TOGARAM2: variants seen among roughly 807,000 people sequenced by gnomAD.
TOGARAM2 encodes TOG array regulator of axonemal microtubules 2.
TOGARAM2 carries 85 observed loss-of-function variants against 93.3 expected under a neutral mutation model. That is an observed-to-expected ratio of 0.91 (90% CI 0.76 to 1.09). The LOEUF is 1.09. Ranked by LOEUF, TOGARAM2 falls within the 50% of genes least tolerant of loss-of-function variation. TOGARAM2 has a pLI of 0.00. For synonymous variants in TOGARAM2, 593 were observed against 552.8 expected, an observed-to-expected ratio of 1.07 and a Z score of -1.02; for missense variants, 1,277 against 1,334.5, an observed-to-expected ratio of 0.96 and a Z score of 0.67.
rs564691136 is a variant in TOGARAM2 at position 29,037,090 on chromosome 2, C to T, written c.2635+333C>T. Among the ~76,000 whole-genome samples the T allele has an allele frequency of 5.6e-4, 85 of 151,904 alleles. 1 individual carries two copies. Among genetic ancestry groups the T allele is most frequent in the Non-Finnish European group, 1.0e-3 (69 of 67,946 alleles). ...GAGTGCTGGGAAGGCTTAAGCTGGG[C>T]TGGGGCTTGGCGTGGGGTTTGTGGT... On this transcript the variant is annotated intron_variant, in intron 18 of 19. Coordinates refer to ENST00000379558, the MANE Select transcript of TOGARAM2 (RefSeq NM_199280.4).
intron 7 of TOGARAM2, 149 bp from the exon 8 acceptor site, chr2:29,014,246 C>A: frequency 1.1e-6 from 1 of 901,380 alleles, no homozygotes; most frequent in Admixed American, 2.5e-5. Flanking sequence ...CCAGTGCTGC[C>A]CTGTACAGTA....
chr2:29,014,376 CCT>C lies in TOGARAM2; in HGVS notation c.878-18_878-17del, dbSNP rs1364933940. 15 of 1,608,198 alleles carry C rather than the reference CCT, an allele frequency of 9.3e-6. No individual in the cohort carries two copies. The highest frequency in any genetic ancestry group is 1.3e-5 in the Non-Finnish European group (15 of 1,177,850). On this transcript the variant is annotated splice_polypyrimidine_tract_variant and intron_variant, in intron 7 of 19. Transcript: ENST00000379558. Reference sequence around the variant, plus strand: ...TGACCTGGGTGTCTTCAGCTCCACCCCTGTTCTCAACCCCTCAGAGCCAAAAC... The same window carrying C: ...TGACCTGGGTGTCTTCAGCTCCACCCGTTCTCAACCCCTCAGAGCCAAAAC...
At chr2:29,016,224 G>A (rs918603357) in intron 8 of TOGARAM2, among the ~76,000 whole-genome samples, 3 of 152,004 alleles carry the variant, frequency 2.0e-5, no homozygotes, top group African/African-American at 7.3e-5. Flanking sequence ...ATATATCAGC[G>A]AAGAGAGTGA....
chr2:29,033,944 A>C (rs527809904), intron 16 of TOGARAM2, among the ~76,000 whole-genome samples: 1 of 152,228 alleles, frequency 6.6e-6, no homozygotes, highest in South Asian at 2.1e-4. Context: ...CCCAGCCTGA[A>C]CTAAGGCAGA....
intron 6 of TOGARAM2, among the ~76,000 whole-genome samples, chr2:29,006,313 G>C (rs1383108814): frequency 6.7e-6 from 1 of 149,080 alleles, no homozygotes; most frequent in Non-Finnish European, 1.5e-5. Flanking sequence ...GTGAGTGCCT[G>C]TGTGTGGAGT....
intron 11 of TOGARAM2, 77 bp from the exon 12 acceptor site, chr2:29,023,009 T>G: frequency 7.7e-7 from 1 of 1,302,506 alleles, no homozygotes; most frequent in South Asian, 1.3e-5. Flanking sequence ...GTGTGTGATG[T>G]GGGGCCCCTA....
chr2:29,023,167 C>T lies in TOGARAM2; in HGVS notation c.1593C>T (p.Asp531=), dbSNP rs1313905057. ...AGGTCCTCACCGGGAAGCTGCACGA[C>T]GTGTGCTTGGTGGTGACTGGGGAGG... ...HSEVLTGKLH[D]VCLVVTGEVT... The change falls in exon 12 of 20, where the codon GAC becomes GAT. Residue 531 remains aspartate (D), a synonymous_variant. Coordinates refer to ENST00000379558, the MANE Select transcript of TOGARAM2 (RefSeq NM_199280.4). 6.3e-6 allele frequency: 10 copies of T among 1,596,824 alleles called. No individual in the cohort carries two copies. Among genetic ancestry groups the T allele is most frequent in the Non-Finnish European group, 8.5e-6 (10 of 1,171,878 alleles).
chr2:29,004,669 T>C (rs1673520255), intron 6 of TOGARAM2, among the ~76,000 whole-genome samples: 1 of 152,090 alleles, frequency 6.6e-6, no homozygotes, highest in Non-Finnish European at 1.5e-5. Flanking sequence ...TGCATGTATA[T>C]GTGAGTATAT....
intron 1 of TOGARAM2, among the ~76,000 whole-genome samples, chr2:28,992,322 A>G (rs1269451954): frequency 1.3e-5 from 2 of 152,094 alleles, no homozygotes; most frequent in African/African-American, 4.8e-5. Context: ...GCGGGCACCT[A>G]GGAGATCCTG....
At chr2:28,972,006 G>T (rs1671951820) in intron 1 of TOGARAM2, among the ~76,000 whole-genome samples, 2 of 152,132 alleles carry the variant, frequency 1.3e-5, no homozygotes, top group Admixed American at 1.3e-4. Flanking sequence ...ATCCCTTATT[G>T]GAACGTCGTA....
At chr2:29,030,268 C>T (rs1376936908) in intron 14 of TOGARAM2, among the ~76,000 whole-genome samples, 1 of 151,806 alleles carries the variant, frequency 6.6e-6, no homozygotes, top group African/African-American at 2.4e-5. Flanking sequence ...AGGGTGAGAC[C>T]CTGTCTCAAA....
At chr2:29,006,139 GCATGCATGTGCGT>G (rs1322788691) in intron 6 of TOGARAM2, among the ~76,000 whole-genome samples, 9 of 142,740 alleles carry the variant, frequency 6.3e-5, no homozygotes, top group African/African-American at 2.3e-4. Context: ...GTGTGTGAGA[GCATGCATGTGCGT>G]AAGTACATGT....
chr2:28,962,231 A>T (rs991690378), intron 1 of TOGARAM2, among the ~76,000 whole-genome samples: 2 of 150,210 alleles, frequency 1.3e-5, no homozygotes, highest in African/African-American at 4.9e-5. Context: ...GCTGGAGTGC[A>T]CTGTCATGAT....
At chr2:28,957,078 T>G (rs1009753619) in intron 1 of TOGARAM2, among the ~76,000 whole-genome samples, 1 of 151,670 alleles carries the variant, frequency 6.6e-6, no homozygotes, top group African/African-American at 2.4e-5. Flanking sequence ...CACTCCAGCC[T>G]GGGCCACAAG....
rs1421550443 is a variant in TOGARAM2 at position 28,967,721 on chromosome 2, C to T, written c.-147+11024C>T. On this transcript the variant is annotated intron_variant, in intron 1 of 6. Transcript: ENST00000401723. ...CCTTTGGCAAACTGCTTACCTTCCA[C>T]GAGTGTCAATTTCCTCATCTACAAA... Among the ~76,000 whole-genome samples, 5 of 150,780 alleles carry T rather than the reference C, an allele frequency of 3.3e-5. No individual in the cohort carries two copies. In the East Asian group the frequency reaches 7.8e-4, roughly 24 times the overall value.
chr2:28,965,943 T>C (rs1331644730), intron 1 of TOGARAM2, among the ~76,000 whole-genome samples: 1 of 152,192 alleles, frequency 6.6e-6, no homozygotes, highest in Non-Finnish European at 1.5e-5. Context: ...TCACACTTTG[T>C]CCAGTTTTCT....
intron 19 of TOGARAM2, chr2:29,048,822 G>A (rs1473747421): frequency 6.8e-6 from 1 of 147,570 alleles, no homozygotes; most frequent in African/African-American, 2.5e-5. Context: ...GGGATTACAG[G>A]CGCCCACCAC....
chr2:29,028,000 G>A (rs1665516478), intron 14 of TOGARAM2, among the ~76,000 whole-genome samples: 1 of 152,202 alleles, frequency 6.6e-6, no homozygotes, highest in Admixed American at 6.5e-5. Flanking sequence ...GTGATTGGAA[G>A]TCATTGGAGT....
intron 6 of TOGARAM2, among the ~76,000 whole-genome samples, chr2:29,010,418 C>T (rs574038223): frequency 1.6e-3 from 236 of 152,180 alleles, no homozygotes; most frequent in African/African-American, 5.4e-3. Context: ...GGAGCAATGG[C>T]GAATCCCGGC....
Sources: gnomAD v4.1 joint callset for allele counts (sites outside exome capture counted in the v4.1 genomes callset) on GRCh38, gnomAD v4.1.1 for gene constraint, MANE v1.5 for transcripts, NCBI Gene and HGNC (gene_info 2026-07-23, HGNC 2026-07-21) for gene names.